PPHLN1: variants seen among roughly 807,000 people sequenced by gnomAD.
PPHLN1 encodes the protein periphilin-1.
In PPHLN1, 29 loss-of-function variants were observed where a neutral mutation model predicts 51.3. The observed-to-expected ratio is 0.57, with a 90% CI of 0.42 to 0.77. The LOEUF (loss-of-function observed/expected upper bound fraction) is 0.77. Ranked by LOEUF, PPHLN1 falls within the 30% of genes least tolerant of loss-of-function variation. The pLI, the probability that PPHLN1 is intolerant of heterozygous loss-of-function variation, is 0.00. For synonymous variants in PPHLN1, 147 were observed against 147.8 expected (o/e 0.99, Z 0.04); for missense variants, 436 against 438.4 (o/e 0.99, Z 0.05).
chr12:42,401,596 G>A (rs1411903486), intron 9 of PPHLN1, among the ~76,000 whole-genome samples: 1 of 152,038 alleles, frequency 6.6e-6, no homozygotes, highest in Non-Finnish European at 1.5e-5. Context: ...GATTGTCACA[G>A]AAGCGCAGAC....
chr12:42,416,407 C>T (rs1006588886), intron 9 of PPHLN1, among the ~76,000 whole-genome samples: 1 of 152,164 alleles, frequency 6.6e-6, no homozygotes, highest in African/African-American at 2.4e-5. Flanking sequence ...CTGGCATTAA[C>T]CACCTGGAAT....
chr12:42,339,500 CTTAG>C (rs1219113353), intron 2 of PPHLN1, among the ~76,000 whole-genome samples: 5 of 152,162 alleles, frequency 3.3e-5, no homozygotes, highest in Non-Finnish European at 5.9e-5. Flanking sequence ...ACACCTGCAT[CTTAG>C]TTAAATAAAG....
chr12:42,421,304 T>C (rs1796356), intron 9 of PPHLN1, among the ~76,000 whole-genome samples: 45,071 of 151,904 alleles, frequency 0.3, 7,755 homozygotes, highest in Non-Finnish European at 0.38. Context: ...CCTGGAAAAA[T>C]TGATCCAGAA....
At chr12:42,331,494 C>T (rs993076119) in intron 1 of PPHLN1, among the ~76,000 whole-genome samples, 1 of 152,212 alleles carries the variant, frequency 6.6e-6, no homozygotes, top group Non-Finnish European at 1.5e-5. Flanking sequence ...TCTCAGCCCT[C>T]AGTTGAAGTT....
intron 2 of PPHLN1, among the ~76,000 whole-genome samples, chr12:42,345,712 A>G (rs971571579): frequency 6.6e-6 from 1 of 151,810 alleles, no homozygotes; most frequent in African/African-American, 2.4e-5. Flanking sequence ...TTTTATATTT[A>G]AATTCAAGAT....
At position 42,351,987 on chromosome 12, in the gene PPHLN1, C is replaced by T. The variant is rs781696244; in HGVS notation, c.175C>T (p.Arg59Ter). ...YNRYYSHVDYRDYDEGRSFSH... is the reference protein window; with the variant it reads ...YNRYYSHVDY Reference sequence around the variant, plus strand: ...TAGATATTACAGTCATGTTGATTACCGAGACTATGACGAGGGCCGCAGTTT... The same window carrying T: ...TAGATATTACAGTCATGTTGATTACTGAGACTATGACGAGGGCCGCAGTTT... The change falls in exon 3 of 10, where the codon CGA (arginine) becomes TGA (stop). Residue 59 changes from arginine (R) to a stop codon, truncating the protein, a stop_gained. Transcript: ENST00000358314. LOFTEE classifies it high-confidence loss of function. 3.8e-6 allele frequency: 6 copies of T among 1,569,414 alleles called. No individual in the cohort carries two copies. Among genetic ancestry groups the T allele is most frequent in the African/African-American group, 2.8e-5 (2 of 71,976 alleles).
downstream of PPHLN1, chr12:42,445,168 A>G: frequency 1.4e-6 from 1 of 701,686 alleles, no homozygotes; most frequent in Admixed American, 2.0e-5. Context: ...ATTTGAGCCC[A>G]CAGCTCACTG....
At chr12:42,374,543 T>A (rs2076076066) in intron 4 of PPHLN1, 1 of 216,340 alleles carries the variant, frequency 4.6e-6, no homozygotes, top group South Asian at 6.4e-5. Flanking sequence ...AGGTTCACGC[T>A]GTTCTCCTGC....
chr12:42,369,822 C>T (rs1043587963), intron 4 of PPHLN1, among the ~76,000 whole-genome samples: 1 of 152,182 alleles, frequency 6.6e-6, no homozygotes, highest in Admixed American at 6.5e-5. Flanking sequence ...CAACTTTGAA[C>T]GTCCTCATTT....
intron 9 of PPHLN1, chr12:42,431,676 C>T (rs1407418813): frequency 1.8e-6 from 2 of 1,091,046 alleles, no homozygotes; most frequent in Admixed American, 3.6e-5. Flanking sequence ...TTATGAAACA[C>T]CATTCAGGAC....
At chr12:42,446,846 A>T, downstream of PPHLN1, 3 of 462,642 alleles carry the variant, frequency 6.5e-6, no homozygotes, top group Admixed American at 1.0e-4. Context: ...GAGGGCGAAC[A>T]GTAGGTAGCA....
intron 2 of PPHLN1, among the ~76,000 whole-genome samples, chr12:42,336,328 T>A (rs2070662401): frequency 6.6e-6 from 1 of 152,240 alleles, no homozygotes; most frequent in African/African-American, 2.4e-5. Context: ...TATTTTTTTC[T>A]ATATTCCTAA....
At chr12:42,445,272 C>G (rs1048290700), downstream of PPHLN1, 1 of 596,668 alleles carries the variant, frequency 1.7e-6, no homozygotes, top group African/African-American at 1.9e-5. Context: ...ATTTTTCCAC[C>G]AAAATTAGAG....
intron 9 of PPHLN1, among the ~76,000 whole-genome samples, chr12:42,404,502 C>G (rs1018877773): frequency 7.5e-5 from 11 of 146,014 alleles, no homozygotes; most frequent in African/African-American, 2.8e-4. Flanking sequence ...GCACTCCAGC[C>G]TGGGCAACAA....
At chr12:42,350,359 C>G (rs998710410) in intron 2 of PPHLN1, 26 of 158,848 alleles carry the variant, frequency 1.6e-4, no homozygotes, top group Non-Finnish European at 2.9e-4. Context: ...CTCCTCACTT[C>G]CCAGACTGGG....
chr12:42,385,080 G>A, intron 6 of PPHLN1, 84 bp downstream of exon 6: 1 of 1,345,346 alleles, frequency 7.4e-7, no homozygotes, highest in Non-Finnish European at 1.1e-6. Flanking sequence ...TGGGGAAAGT[G>A]TATAACTGCT....
At chr12:42,382,753 G>T (rs1043956977) in intron 5 of PPHLN1, among the ~76,000 whole-genome samples, 1 of 152,202 alleles carries the variant, frequency 6.6e-6, no homozygotes, top group African/African-American at 2.4e-5. Flanking sequence ...CTATGAAGAT[G>T]TAAGGGTGCA....
intron 1 of PPHLN1, among the ~76,000 whole-genome samples, chr12:42,333,012 T>C (rs1381379051): frequency 6.6e-6 from 1 of 152,208 alleles, no homozygotes; most frequent in Non-Finnish European, 1.5e-5. Flanking sequence ...ATATTCATCC[T>C]CTGCCCAGCT....
downstream of PPHLN1, chr12:42,445,181 T>A: frequency 1.4e-6 from 1 of 700,016 alleles, no homozygotes; most frequent in Non-Finnish European, 2.6e-6. Flanking sequence ...GCTCACTGCC[T>A]GACCCACTGG....
Sources: allele counts gnomAD v4.1 joint callset (sites outside exome capture counted in the v4.1 genomes callset), GRCh38; gene constraint gnomAD v4.1.1; transcripts MANE v1.5; gene names NCBI Gene and HGNC (gene_info 2026-07-23, HGNC 2026-07-21).